GRM8: variants seen among roughly 807,000 people sequenced by gnomAD.
GRM8 encodes the protein glutamate metabotropic receptor 8, also known as metabotropic glutamate receptor 8.
In GRM8, 47 loss-of-function variants were observed where a neutral mutation model predicts 87.2. The ratio of observed to expected loss-of-function variants is 0.54; its 90% confidence interval spans 0.43 to 0.69. The LOEUF (loss-of-function observed/expected upper bound fraction) is 0.69. Ranked by LOEUF, GRM8 falls within the 30% of genes least tolerant of loss-of-function variation. The probability of loss-of-function intolerance (pLI) is 0.00; values close to 1 mark genes in which losing one functional copy is unlikely to be tolerated. For synonymous variants in GRM8, 396 were observed against 404.5 expected, an observed-to-expected ratio of 0.98 and a Z score of 0.25; for missense variants, 1,019 against 1,139.2, an observed-to-expected ratio of 0.89 and a Z score of 1.52.
chr7:126,545,462 T>C (rs1380314856), intron 8 of GRM8, among the ~76,000 whole-genome samples: 4 of 152,212 alleles, frequency 2.6e-5, no homozygotes, highest in Non-Finnish European at 5.9e-5. Context: ...ATATTATAGA[T>C]GGCCAAATTT....
chr7:126,701,993 G>A (rs1490103820), intron 7 of GRM8, among the ~76,000 whole-genome samples: 1 of 152,092 alleles, frequency 6.6e-6, no homozygotes, highest in Non-Finnish European at 1.5e-5. Context: ...CAAGTTATTT[G>A]GTCACCCCAA....
chr7:126,661,399 T>C (rs1400208271), intron 7 of GRM8, among the ~76,000 whole-genome samples: 1 of 152,226 alleles, frequency 6.6e-6, no homozygotes, highest in Admixed American at 6.5e-5. Flanking sequence ...ATATAAAACA[T>C]ATGTTTTAAA....
chr7:126,937,331 CA>C (rs1174324575), intron 3 of GRM8, among the ~76,000 whole-genome samples: 2 of 152,272 alleles, frequency 1.3e-5, no homozygotes, highest in East Asian at 3.9e-4. Flanking sequence ...AAACTACAGC[CA>C]AAGGCTACTT....
intron 3 of GRM8, among the ~76,000 whole-genome samples, chr7:127,098,438 C>T (rs1016320839): frequency 2.6e-5 from 4 of 152,106 alleles, no homozygotes; most frequent in Admixed American, 2.6e-4. Context: ...TTACCAGAAA[C>T]TTGCTTCTTG....
chr7:127,142,225 A>C (rs888253867), intron 2 of GRM8, among the ~76,000 whole-genome samples: 5 of 151,930 alleles, frequency 3.3e-5, no homozygotes, highest in Non-Finnish European at 7.4e-5. Context: ...TGATCCTCTC[A>C]CCTCAGCCTC....
intron 2 of GRM8, among the ~76,000 whole-genome samples, chr7:127,143,572 ATCTGC>A (rs1317593168): frequency 6.6e-6 from 1 of 152,130 alleles, no homozygotes; most frequent in Non-Finnish European, 1.5e-5. Flanking sequence ...AGAAATCATT[ATCTGC>A]ATTTTGTAAA....
chr7:126,538,243 C>T (rs538521037), intron 8 of GRM8, among the ~76,000 whole-genome samples: 2 of 152,268 alleles, frequency 1.3e-5, no homozygotes, highest in East Asian at 1.9e-4. Flanking sequence ...AGTGTGCTTA[C>T]ATTTTTAAAT....
At chr7:127,230,438 A>G (rs1272656730) in intron 2 of GRM8, among the ~76,000 whole-genome samples, 1 of 151,032 alleles carries the variant, frequency 6.6e-6, no homozygotes, top group East Asian at 2.0e-4. Flanking sequence ...GTCTTGGAAG[A>G]CTCTTCCTCC....
intron 7 of GRM8, among the ~76,000 whole-genome samples, chr7:126,700,155 T>C (rs920633532): frequency 1.3e-5 from 2 of 152,112 alleles, no homozygotes; most frequent in African/African-American, 2.4e-5. Flanking sequence ...TAACTGCAGG[T>C]TGTATTATGT....
chr7:127,036,722 C>T (rs567715240), intron 3 of GRM8, among the ~76,000 whole-genome samples: 4 of 152,208 alleles, frequency 2.6e-5, no homozygotes, highest in South Asian at 2.1e-4. Flanking sequence ...CTTGTTACGC[C>T]GCACAGAGTG....
intron 6 of GRM8, among the ~76,000 whole-genome samples, chr7:126,866,892 G>A (rs1798647054): frequency 6.6e-6 from 1 of 151,822 alleles, no homozygotes; most frequent in Non-Finnish European, 1.5e-5. Flanking sequence ...GCCCTGCCTT[G>A]ACTCAATTTT....
At chr7:126,870,717 C>T (rs1215800747) in intron 6 of GRM8, among the ~76,000 whole-genome samples, 1 of 152,126 alleles carries the variant, frequency 6.6e-6, no homozygotes, top group Non-Finnish European at 1.5e-5. Flanking sequence ...ATCAAAGACT[C>T]CTGAAAACAG....
intron 6 of GRM8, among the ~76,000 whole-genome samples, chr7:126,838,373 G>A (rs1795984622): frequency 6.6e-6 from 1 of 152,122 alleles, no homozygotes; most frequent in South Asian, 2.1e-4. Context: ...TTGTTTCTCT[G>A]CTCTGCTTAT....
chr7:127,030,622 G>T lies in GRM8; in HGVS notation c.727+75874C>A, dbSNP rs7811292. ...CTGACACATAATAGTACTCATTAAAGATCTGTTAAATGAATTCTATTTGGA... is the reference window on the plus strand; with the variant it reads ...CTGACACATAATAGTACTCATTAAATATCTGTTAAATGAATTCTATTTGGA... On this transcript the variant is annotated intron_variant, in intron 3 of 10. Transcript: ENST00000339582. Among the ~76,000 whole-genome samples the T allele has an allele frequency of 7.5e-4, 114 of 152,164 alleles. 2 individuals are homozygous for T. Among genetic ancestry groups the T allele is most frequent in the African/African-American group, 2.6e-3 (106 of 41,522 alleles).
chr7:127,091,474 C>G (rs1328346807), intron 3 of GRM8, among the ~76,000 whole-genome samples: 2 of 89,756 alleles, frequency 2.2e-5, no homozygotes, highest in South Asian at 6.1e-4. Context: ...CACCACCATC[C>G]CCGTCTCACT....
Position 127,243,284 on chromosome 7 carries a change from C to A in GRM8, c.-80G>T. 1.5e-6 allele frequency: 2 copies of A among 1,304,852 alleles called. No homozygotes were observed. The highest frequency in any genetic ancestry group is 2.1e-6 in the Non-Finnish European group (2 of 948,894). 80.8% of individuals were successfully genotyped at this position (1,304,852 alleles called of 1,614,324 possible). On this transcript the variant is annotated 5_prime_UTR_variant, in exon 2 of 11. Coordinates refer to ENST00000339582, the MANE Select transcript of GRM8 (RefSeq NM_000845.3). ...AGAAAGGGCACCACCTGAGGCTGCA[C>A]CTTCTGGAGGCTACCATCAGGGCCC...
intron 8 of GRM8, among the ~76,000 whole-genome samples, chr7:126,567,840 G>A (rs1794368499): frequency 6.6e-6 from 1 of 152,040 alleles, no homozygotes; most frequent in African/African-American, 2.4e-5. Flanking sequence ...CCTTGCCCAT[G>A]AGTCCTCATT....
intron 3 of GRM8, among the ~76,000 whole-genome samples, chr7:127,030,635 A>C (rs1194783997): frequency 2.0e-5 from 3 of 152,122 alleles, no homozygotes; most frequent in African/African-American, 4.8e-5. Flanking sequence ...CTGTTAAATG[A>C]ATTCTATTTG....
chr7:126,908,892 G>A (rs1454561289), intron 3 of GRM8, among the ~76,000 whole-genome samples: 3 of 152,200 alleles, frequency 2.0e-5, no homozygotes, highest in Non-Finnish European at 4.4e-5. Context: ...TTTGGTGCCT[G>A]TGTATATTTT....
Sources: allele counts gnomAD v4.1 joint callset (sites outside exome capture counted in the v4.1 genomes callset), GRCh38; gene constraint gnomAD v4.1.1; transcripts MANE v1.5; gene names NCBI Gene and HGNC (gene_info 2026-07-23, HGNC 2026-07-21).